PTPN12: variants seen among roughly 807,000 people sequenced by gnomAD.
PTPN12 encodes the protein tyrosine-protein phosphatase non-receptor type 12.
Under a neutral mutation model 97.6 loss-of-function variants are expected in PTPN12, and 29 were observed. The observed-to-expected ratio is 0.30, with a 90% CI of 0.22 to 0.41. The LOEUF (loss-of-function observed/expected upper bound fraction) is 0.41, where lower values mean the gene tolerates loss of function less well. Among genes scored for constraint, PTPN12 ranks in the 10% least tolerant of loss-of-function variants. The pLI, the probability that PTPN12 is intolerant of heterozygous loss-of-function variation, is 1.00. For missense variants in PTPN12, 819 were observed against 926.0 expected (o/e 0.88, Z 1.50); for synonymous variants, 327 against 300.4 (o/e 1.09, Z -0.91).
chr7:77,604,935 T>A (rs959463082), intron 8 of PTPN12: 17 of 401,808 alleles, frequency 4.2e-5, no homozygotes, highest in African/African-American at 3.5e-4. Flanking sequence ...TTCACTGTTA[T>A]GTAAGAAATG....
intron 1 of PTPN12, among the ~76,000 whole-genome samples, chr7:77,570,486 A>G (rs567169328): frequency 3.3e-5 from 5 of 152,380 alleles, no homozygotes; most frequent in African/African-American, 1.2e-4. Flanking sequence ...ACGCAGAAAT[A>G]TTCCAGCCCA....
chr7:77,589,145 A>G (rs1482358671), intron 5 of PTPN12, among the ~76,000 whole-genome samples: 3 of 152,176 alleles, frequency 2.0e-5, no homozygotes, highest in African/African-American at 7.2e-5. Flanking sequence ...AAGTGCTGGG[A>G]TTACAGGCAT....
intron 3 of PTPN12, among the ~76,000 whole-genome samples, chr7:77,581,784 G>T (rs930394130): frequency 6.6e-6 from 1 of 151,970 alleles, no homozygotes; most frequent in African/African-American, 2.4e-5. Flanking sequence ...TATTTTCTCA[G>T]TTATCCCTTT....
rs559669547 is a variant in PTPN12 at position 77,607,668 on chromosome 7, G to A, written c.762+367G>A. The stretch of plus-strand genomic sequence containing the variant: ...GATAGGATGCATTGGGGAACAATGT[G>A]ACAGTGTTCTAGGTGAGTGAATACT... On this transcript the variant is annotated intron_variant, in intron 9 of 17. Transcript: ENST00000248594. Among the ~76,000 whole-genome samples the A allele has an allele frequency of 3.1e-4, 47 of 152,290 alleles. No individual in the cohort carries two copies. In the South Asian group the frequency reaches 9.3e-3, roughly 30 times the overall value.
chr7:77,614,812 T>G (rs1206016623), intron 11 of PTPN12, among the ~76,000 whole-genome samples: 1 of 152,212 alleles, frequency 6.6e-6, no homozygotes, highest in Non-Finnish European at 1.5e-5. Flanking sequence ...TTAGAAGCTA[T>G]GCTGTGAGAA....
chr7:77,612,331 T>C (rs1232872213), intron 11 of PTPN12, among the ~76,000 whole-genome samples: 1 of 152,238 alleles, frequency 6.6e-6, no homozygotes, highest in Non-Finnish European at 1.5e-5. Context: ...GGAATTATTG[T>C]GCAAGGAAAT....
intron 1 of PTPN12, among the ~76,000 whole-genome samples, chr7:77,548,655 A>AC (rs1259927474): frequency 6.6e-6 from 1 of 151,972 alleles, no homozygotes; most frequent in East Asian, 1.9e-4. Context: ...CCCACTTCCT[A>AC]CCCCCCTAGA....
intron 5 of PTPN12, among the ~76,000 whole-genome samples, chr7:77,589,081 C>G (rs1385054520): frequency 6.6e-6 from 1 of 152,084 alleles, no homozygotes; most frequent in African/African-American, 2.4e-5. Context: ...ACTGTGTTGG[C>G]CAGGCTGGTC....
chr7:77,604,547 A>G (rs1788298238), intron 8 of PTPN12, among the ~76,000 whole-genome samples: 1 of 151,902 alleles, frequency 6.6e-6, no homozygotes, highest in African/African-American at 2.4e-5. Flanking sequence ...TGCTTTATAT[A>G]TTGAGGACAT....
chr7:77,581,336 G>T, intron 2 of PTPN12, 91 bp from the exon 3 acceptor site: 2 of 728,812 alleles, frequency 2.7e-6, no homozygotes, highest in Non-Finnish European at 2.2e-6. Context: ...TAAAATAAAT[G>T]TTCTTAAGCT....
At chr7:77,604,306 C>T (rs539525256) in intron 8 of PTPN12, among the ~76,000 whole-genome samples, 138 of 143,530 alleles carry the variant, frequency 9.6e-4, no homozygotes, top group Middle Eastern at 8.1e-3. Flanking sequence ...ACCTCTGCCT[C>T]CTGGGTTCAA....
intron 2 of PTPN12, among the ~76,000 whole-genome samples, chr7:77,571,719 A>G (rs2052163): frequency 0.057 from 3,443 of 60,230 alleles, 44 homozygotes; most frequent in East Asian, 0.16. Context: ...TTATTTATTT[A>G]TTTGTTTGTT....
intron 1 of PTPN12, among the ~76,000 whole-genome samples, chr7:77,548,319 GAA>G (rs1190819152): frequency 1.3e-5 from 2 of 152,202 alleles, no homozygotes; most frequent in Non-Finnish European, 2.9e-5. Flanking sequence ...AGATGACTCT[GAA>G]GAGGTTTTGA....
chr7:77,549,459 A>T (rs926276195), intron 1 of PTPN12, among the ~76,000 whole-genome samples: 1 of 152,190 alleles, frequency 6.6e-6, no homozygotes, highest in Non-Finnish European at 1.5e-5. Context: ...GCAAACTAAA[A>T]TTAAGATTAT....
intron 12 of PTPN12, among the ~76,000 whole-genome samples, chr7:77,624,575 G>C (rs749312971): frequency 2.0e-5 from 3 of 151,908 alleles, no homozygotes; most frequent in Non-Finnish European, 4.4e-5. Context: ...GAGTAGCTGG[G>C]ATTACAGGCG....
intron 1 of PTPN12, among the ~76,000 whole-genome samples, chr7:77,563,629 A>G (rs1342548904): frequency 1.3e-5 from 2 of 152,190 alleles, no homozygotes; most frequent in Non-Finnish European, 2.9e-5. Flanking sequence ...GAATCATTTT[A>G]TTACTCCAAG....
In PTPN12 at chr7:77,639,517, G is replaced by A; in HGVS notation, c.*237G>A. Reference sequence around the variant, plus strand: ...TTAATGTCTCTTAACCCTGTTACACGCTGCTTGTAGACATGTTAATATAGT... The same window carrying A: ...TTAATGTCTCTTAACCCTGTTACACACTGCTTGTAGACATGTTAATATAGT... On this transcript the variant is annotated 3_prime_UTR_variant, in exon 18 of 18. Transcript: ENST00000248594. 2 of 451,628 alleles carry A rather than the reference G, an allele frequency of 4.4e-6. No individual in the cohort carries two copies. The highest frequency in any genetic ancestry group is 3.3e-5 in the East Asian group (1 of 29,926). The allele number at this position is 451,628 out of a possible 1,614,324, so 28.0% of individuals were successfully genotyped here. A position where few individuals can be genotyped will look rare whatever the true frequency, so the allele number is the denominator to read the frequency against.
chr7:77,600,511 G>A (rs565569185), intron 7 of PTPN12, among the ~76,000 whole-genome samples, 153 bp from the exon 8 acceptor site: 2 of 152,274 alleles, frequency 1.3e-5, no homozygotes, highest in South Asian at 2.1e-4. Flanking sequence ...GTGTTTAACA[G>A]TCAATAAGTG....
At chr7:77,538,517 A>G (rs1226102664) in intron 1 of PTPN12, among the ~76,000 whole-genome samples, 1 of 151,936 alleles carries the variant, frequency 6.6e-6, no homozygotes. Flanking sequence ...CTGAACTGGG[A>G]GATAACCTTC....
Sources: allele counts gnomAD v4.1 joint callset (sites outside exome capture counted in the v4.1 genomes callset), GRCh38; gene constraint gnomAD v4.1.1; transcripts MANE v1.5; gene names NCBI Gene and HGNC (gene_info 2026-07-23, HGNC 2026-07-21).